VAPB: variants seen among roughly 807,000 people sequenced by gnomAD.
The protein encoded by VAPB is VAMP associated protein B and C, also known as vesicle-associated membrane protein-associated protein B/C.
VAPB carries 7 observed loss-of-function variants against 25.6 expected under a neutral mutation model. That is an observed-to-expected ratio of 0.27 (90% CI 0.16 to 0.51). VAPB has a LOEUF of 0.51. VAPB is among the 20% of genes least tolerant of loss of function. The pLI, the probability that VAPB is intolerant of heterozygous loss-of-function variation, is 0.97. For synonymous variants in VAPB, 112 were observed against 109.2 expected (o/e 1.03, Z -0.16); for missense variants, 266 against 301.3 (o/e 0.88, Z 0.87).
chr20:58,418,481 A>G (rs925797148), intron 2 of VAPB, 118 bp downstream of exon 2: 2 of 1,170,024 alleles, frequency 1.7e-6, no homozygotes, highest in East Asian at 2.9e-5. Flanking sequence ...TCTCCACCCC[A>G]CCCCCACCCC....
At chr20:58,402,864 G>GT (rs1988132703) in intron 1 of VAPB, among the ~76,000 whole-genome samples, 1 of 152,154 alleles carries the variant, frequency 6.6e-6, no homozygotes, top group Non-Finnish European at 1.5e-5. Flanking sequence ...AATTAACCTG[G>GT]TGTGGTGGTG....
Position 58,449,848 on chromosome 20 carries a change from G to T in VAPB, c.*5613G>T, listed in dbSNP as rs1312469415. 4.4e-6 allele frequency: 2 copies of T among 453,958 alleles called. No individual in the cohort carries two copies. The highest frequency in any genetic ancestry group is 8.8e-6 in the Non-Finnish European group (2 of 226,790). The allele number at this position is 453,958 out of a possible 1,614,324, so 28.1% of individuals were successfully genotyped here. A position where few individuals can be genotyped will look rare whatever the true frequency, so the allele number is the denominator to read the frequency against. ...GCATTCTGATGAGCTGCAGGAGTGC[G>T]CCTGGCCTTCTGCAGGTGGAGCTGC... On this transcript the variant is annotated 3_prime_UTR_variant, in exon 6 of 6. Coordinates refer to ENST00000475243, the MANE Select transcript of VAPB (RefSeq NM_004738.5).
Position 58,447,174 on chromosome 20 carries a change from G to C in VAPB, c.*2939G>C, listed in dbSNP as rs1231685761. ...AGCCATAGTGCTCACAAATGCAGAA[G>C]AGATGGAAGCGGTGACAGAATCCTG... On this transcript the variant is annotated 3_prime_UTR_variant, in exon 6 of 6. Transcript: ENST00000475243. The C allele has an allele frequency of 2.2e-6, 1 of 454,038 alleles. No individual in the cohort carries two copies. Among genetic ancestry groups the C allele is most frequent in the African/African-American group, 2.0e-5 (1 of 50,010 alleles). The allele number at this position is 454,038 out of a possible 1,614,324, so 28.1% of individuals were successfully genotyped here.
chr20:58,433,235 T>G (rs6015272), intron 2 of VAPB, among the ~76,000 whole-genome samples: 51,068 of 152,106 alleles, frequency 0.34, 8,900 homozygotes, highest in African/African-American at 0.35. Flanking sequence ...ACTGCACTTG[T>G]AGTCAAGTCT....
intron 1 of VAPB, among the ~76,000 whole-genome samples, chr20:58,414,689 T>C (rs545464392): frequency 9.3e-5 from 14 of 150,716 alleles, no homozygotes; most frequent in Non-Finnish European, 1.6e-4. Context: ...GAGGCGCTCC[T>C]CACCTCCTAG....
intron 2 of VAPB, among the ~76,000 whole-genome samples, chr20:58,430,416 C>T (rs1016939392): frequency 2.0e-5 from 3 of 151,766 alleles, no homozygotes; most frequent in African/African-American, 7.3e-5. Context: ...TGCCCACCAC[C>T]GTGCCTGGCT....
intron 5 of VAPB, 39 bp downstream of exon 5, chr20:58,441,122 G>T: frequency 6.2e-7 from 1 of 1,605,794 alleles, no homozygotes; most frequent in East Asian, 2.2e-5. Flanking sequence ...GAAAACAAGG[G>T]CGTTTTCACT....
intron 2 of VAPB, among the ~76,000 whole-genome samples, chr20:58,420,256 A>G (rs1272305403): frequency 6.6e-6 from 1 of 152,222 alleles, no homozygotes; most frequent in Non-Finnish European, 1.5e-5. Context: ...AAGTGCTGGG[A>G]TTACAGGCGT....
At chr20:58,434,821 GT>G (rs900349740) in intron 3 of VAPB, 116 bp downstream of exon 3, 6 of 648,650 alleles carry the variant, frequency 9.2e-6, no homozygotes, top group African/African-American at 1.8e-5. Context: ...AAAGGGAATA[GT>G]TTTTTTTCAA....
rs1326879599 is a variant in VAPB at position 58,447,018 on chromosome 20, G to A, written c.*2783G>A. On this transcript the variant is annotated 3_prime_UTR_variant, in exon 6 of 6. Transcript: ENST00000475243. ...AATCGGGACGAAACTGGCATGGAAA[G>A]AGCGAGCCTAGGGAGGATGCCGCTG... is the stretch of plus-strand genomic sequence containing the variant. 2 of 454,070 alleles carry A rather than the reference G, an allele frequency of 4.4e-6. No homozygotes were observed. The highest frequency in any genetic ancestry group is 6.9e-5 in the East Asian group (1 of 14,390). The allele number at this position is 454,070 out of a possible 1,614,324, so 28.1% of individuals were successfully genotyped here. A position where few individuals can be genotyped will look rare whatever the true frequency, so the allele number is the denominator to read the frequency against.
rs74568509 is a variant in VAPB at position 58,447,054 on chromosome 20, A to G, written c.*2819A>G. 0.085 allele frequency: 38,420 copies of G among 453,970 alleles called. 2,277 individuals are homozygous for G. The highest frequency in any genetic ancestry group is 0.26 in the East Asian group (3,776 of 14,382). The allele number at this position is 453,970 out of a possible 1,614,324, so 28.1% of individuals were successfully genotyped here. ...GGGAGGATGCCGCTGGGCAGTGTGC[A>G]TGGGGGAGCTGCTGCCAGGCTGCCC... On this transcript the variant is annotated 3_prime_UTR_variant, in exon 6 of 6. Coordinates refer to ENST00000475243, the MANE Select transcript of VAPB (RefSeq NM_004738.5).
chr20:58,432,365 A>G (rs1298193581), intron 2 of VAPB: 1 of 152,204 alleles, frequency 6.6e-6, no homozygotes, highest in East Asian at 1.9e-4. Flanking sequence ...AGAGTGGTAG[A>G]CTTGGGAGTG....
chr20:58,418,473 T>TCCACCCCACCC (rs1442057028), intron 2 of VAPB, 110 bp downstream of exon 2: 1 of 1,373,804 alleles, frequency 7.3e-7, no homozygotes, highest in South Asian at 1.4e-5. Context: ...TAGAATTCTC[T>TCCACCCCACCC]CCACCCCACC....
chr20:58,450,148 C>G lies in VAPB; in HGVS notation c.*5913C>G. On this transcript the variant is annotated 3_prime_UTR_variant, in exon 6 of 6. Transcript: ENST00000475243. ...TCTCCGAACTGGCTGCCTGCATTCC[C>G]GTCTTTCTTTTGTTTTTAAGAAATA... 2.2e-6 allele frequency: 1 copy of G among 454,058 alleles called. No individual in the cohort carries two copies. The allele number at this position is 454,058 out of a possible 1,614,324, so 28.1% of individuals were successfully genotyped here.
chr20:58,435,755 C>G (rs899986943), intron 3 of VAPB, among the ~76,000 whole-genome samples: 3 of 152,138 alleles, frequency 2.0e-5, no homozygotes, highest in Non-Finnish European at 2.9e-5. Context: ...TGATAATAGG[C>G]TGTCTTCTTT....
At chr20:58,434,379 C>T (rs879927680) in intron 2 of VAPB, among the ~76,000 whole-genome samples, 11 of 152,130 alleles carry the variant, frequency 7.2e-5, no homozygotes, top group Non-Finnish European at 1.5e-4. Context: ...ACTGGGTCCT[C>T]GGCCTTATTC....
chr20:58,434,885 A>C (rs1022956311), intron 3 of VAPB, among the ~76,000 whole-genome samples, 180 bp downstream of exon 3: 1 of 151,974 alleles, frequency 6.6e-6, no homozygotes, highest in Non-Finnish European at 1.5e-5. Flanking sequence ...TTGAGGAATA[A>C]TTTTAACATT....
At chr20:58,430,101 A>T (rs192900733) in intron 2 of VAPB, among the ~76,000 whole-genome samples, 274 of 134,708 alleles carry the variant, frequency 2.0e-3, no homozygotes, top group Middle Eastern at 0.011. Context: ...ATCAATATTT[A>T]TTATATTAAA....
At chr20:58,437,340 T>C (rs982823771) in intron 3 of VAPB, among the ~76,000 whole-genome samples, 3 of 152,180 alleles carry the variant, frequency 2.0e-5, no homozygotes, top group Non-Finnish European at 1.5e-5. Context: ...TCTGGATTTA[T>C]TTGATTATTT....
Sources: allele counts gnomAD v4.1 joint callset (sites outside exome capture counted in the v4.1 genomes callset), GRCh38; gene constraint gnomAD v4.1.1; transcripts MANE v1.5; gene names NCBI Gene and HGNC (gene_info 2026-07-23, HGNC 2026-07-21).